The following SAMD4A variants were observed in gnomAD, a reference collection of about 807,000 sequenced individuals.
The protein encoded by SAMD4A is sterile alpha motif domain containing 4A.
SAMD4A carries 33 observed loss-of-function variants against 81.3 expected under a neutral mutation model. The ratio of observed to expected loss-of-function variants is 0.41; its 90% CI spans 0.31 to 0.54. The LOEUF is 0.54. Ranked by LOEUF, SAMD4A falls within the 20% of genes least tolerant of loss-of-function variation. The probability of loss-of-function intolerance (pLI) is 0.37; values close to 1 mark genes in which losing one functional copy is unlikely to be tolerated. For missense variants in SAMD4A, 854 were observed against 951.1 expected (o/e 0.90, Z 1.34); for synonymous variants, 389 against 382.1 (o/e 1.02, Z -0.21).
In SAMD4A at chr14:54,687,724, C is replaced by T. The variant is rs185116805; in HGVS notation, c.197-14338C>T. 5.3e-5 allele frequency among the ~76,000 whole-genome samples: 8 copies of T among 152,294 alleles called. No individual in the cohort carries two copies. In the East Asian group the frequency reaches 1.5e-3, roughly 29 times the overall value. On this transcript the variant is annotated intron_variant, in intron 2 of 12. Transcript: ENST00000554335. ...ACTGCATGATTTGGGGCAAGTGTCT[C>T]TGCGCCTTGGTGTCCCCTAAGTGCC...
chr14:54,713,582 T>A (rs2037045506), intron 3 of SAMD4A, among the ~76,000 whole-genome samples: 1 of 152,174 alleles, frequency 6.6e-6, no homozygotes, highest in East Asian at 1.9e-4. Context: ...TGGCTAGAGC[T>A]AGACAGTGAA....
intron 8 of SAMD4A, among the ~76,000 whole-genome samples, chr14:54,767,302 G>A (rs191224424): frequency 4.1e-4 from 62 of 152,264 alleles, no homozygotes; most frequent in Admixed American, 3.7e-3. Flanking sequence ...GCCCGGACAC[G>A]CTGTTCCTTA....
chr14:54,632,030 C>G (rs2034915936), intron 2 of SAMD4A, among the ~76,000 whole-genome samples: 1 of 152,178 alleles, frequency 6.6e-6, no homozygotes, highest in Non-Finnish European at 1.5e-5. Context: ...CACACAGAGT[C>G]CCTGCCCTCC....
At chr14:54,727,371 G>GT (rs1014450622) in intron 3 of SAMD4A, among the ~76,000 whole-genome samples, 1 of 151,396 alleles carries the variant, frequency 6.6e-6, no homozygotes, top group African/African-American at 2.4e-5. Flanking sequence ...TGTATTTTTA[G>GT]TAGAGACAGG....
chr14:54,698,502 A>G (rs2036629952), intron 2 of SAMD4A, among the ~76,000 whole-genome samples: 1 of 152,228 alleles, frequency 6.6e-6, no homozygotes, highest in Non-Finnish European at 1.5e-5. Context: ...TCTGTAAAAG[A>G]AGGCTAGTAA....
intron 2 of SAMD4A, among the ~76,000 whole-genome samples, chr14:54,587,541 A>C (rs887327237): frequency 6.6e-6 from 1 of 152,160 alleles, no homozygotes; most frequent in Non-Finnish European, 1.5e-5. Flanking sequence ...TTCTCCATTC[A>C]GTATAATGTT....
At chr14:54,774,520 A>G (rs768254397) in intron 9 of SAMD4A, among the ~76,000 whole-genome samples, 1 of 152,116 alleles carries the variant, frequency 6.6e-6, no homozygotes, top group Non-Finnish European at 1.5e-5. Context: ...CCTGGGCAAC[A>G]TGGTAGACCC....
At chr14:54,594,431 A>AT (rs397797421) in intron 2 of SAMD4A, among the ~76,000 whole-genome samples, 1 of 151,750 alleles carries the variant, frequency 6.6e-6, no homozygotes, top group Non-Finnish European at 1.5e-5. Flanking sequence ...AAAAAAAAAA[A>AT]GCTACTTTTA....
rs76661249 is a variant in SAMD4A, at chr14:54,776,497, C to T, written c.2001C>T (p.Pro667=). ...CAGTCCAGAGGACCCGCTCGCTGCC[C>T]GTGCACACTTCCCCACAGAACATGC... ...HSSVQRTRSL[P]VHTSPQNMLM... Residue 667 remains proline (P), a synonymous_variant, in exon 11 of 13, where the codon CCC becomes CCT. Coordinates refer to ENST00000554335, the MANE Select transcript of SAMD4A (RefSeq NM_015589.6). 1,321 of 1,594,740 alleles carry T rather than the reference C, an allele frequency of 8.3e-4. 14 individuals carry two copies. The East Asian group carries it at 0.026, about 31-fold the overall frequency.
rs141189678 is a variant in SAMD4A at position 54,733,911 on chromosome 14, G to A, written c.716-3113G>A. 7.8e-3 allele frequency among the ~76,000 whole-genome samples: 1,192 copies of A among 151,934 alleles called. 16 individuals carry two copies. Among genetic ancestry groups the A allele is most frequent in the African/African-American group, 0.028 (1,141 of 41,456 alleles). On this transcript the variant is annotated intron_variant, in intron 3 of 12. Coordinates refer to ENST00000554335, the MANE Select transcript of SAMD4A (RefSeq NM_015589.6). ...AAATGAGATCTCTTAGTTTAAAAAG[G>A]GGAGGGGCTGGGGATGAAACAACCA...
chr14:54,792,535 AG>A lies in SAMD4A; in HGVS notation c.*3595del, dbSNP rs1446907491. Reference sequence around the variant, plus strand: ...AAAGCATGCAACCAGAAGGCGGGCAAGGGGAGGAAAAGCAGGCCTGGCCTCA... The same window carrying A: ...AAAGCATGCAACCAGAAGGCGGGCAAGGGAGGAAAAGCAGGCCTGGCCTCA... On this transcript the variant is annotated 3_prime_UTR_variant, in exon 13 of 13. Transcript: ENST00000554335. 1 of 152,224 alleles carries A rather than the reference AG, an allele frequency of 6.6e-6. No homozygotes were observed. The highest frequency in any genetic ancestry group is 1.5e-5 in the Non-Finnish European group (1 of 68,108). The allele number at this position is 152,224 out of a possible 1,614,324, so 9.4% of individuals were successfully genotyped here.
intron 2 of SAMD4A, among the ~76,000 whole-genome samples, chr14:54,576,399 A>G (rs901655486): frequency 2.0e-5 from 3 of 152,244 alleles, no homozygotes. Context: ...GAACCACTCC[A>G]TGTGCCTCAA....
intron 3 of SAMD4A, among the ~76,000 whole-genome samples, chr14:54,719,048 G>T (rs1253235298): frequency 1.3e-5 from 2 of 151,900 alleles, no homozygotes; most frequent in Non-Finnish European, 2.9e-5. Context: ...GGGAAAGAAG[G>T]GTTCAAAGGA....
At chr14:54,725,630 A>G (rs745739800) in intron 3 of SAMD4A, among the ~76,000 whole-genome samples, 30 of 152,228 alleles carry the variant, frequency 2.0e-4, no homozygotes, top group Non-Finnish European at 3.8e-4. Context: ...TTTTTCCATT[A>G]GCAGTGTTGG....
chr14:54,715,054 T>G (rs1488923350), intron 3 of SAMD4A, among the ~76,000 whole-genome samples: 1 of 152,130 alleles, frequency 6.6e-6, no homozygotes, highest in Non-Finnish European at 1.5e-5. Flanking sequence ...TTTTTTAAAT[T>G]AGTAATAATT....
chr14:54,702,026 T>C, intron 2 of SAMD4A, 36 bp from the exon 3 acceptor site: 1 of 1,601,594 alleles, frequency 6.2e-7, no homozygotes, highest in Non-Finnish European at 8.5e-7. Flanking sequence ...ACTGTGGGTG[T>C]ATTTGCTTAT....
intron 2 of SAMD4A, among the ~76,000 whole-genome samples, chr14:54,670,127 C>T (rs1240657845): frequency 6.6e-6 from 1 of 152,150 alleles, no homozygotes; most frequent in Non-Finnish European, 1.5e-5. Flanking sequence ...ATTTAGTTCT[C>T]GCTCTGCCTG....
intron 2 of SAMD4A, among the ~76,000 whole-genome samples, chr14:54,689,131 C>T (rs1233979240): frequency 5.3e-5 from 8 of 152,028 alleles, no homozygotes; most frequent in Admixed American, 5.2e-4. Flanking sequence ...AGGATTTCAC[C>T]ACGTTGGCCA....
chr14:54,755,663 T>C (rs1306231547), intron 6 of SAMD4A, among the ~76,000 whole-genome samples: 1 of 151,920 alleles, frequency 6.6e-6, no homozygotes, highest in Non-Finnish European at 1.5e-5. Flanking sequence ...TTTAGGGGAA[T>C]GGGAGGAAAC....
Sources: allele counts gnomAD v4.1 joint callset (sites outside exome capture counted in the v4.1 genomes callset), GRCh38; gene constraint gnomAD v4.1.1; transcripts MANE v1.5; gene names NCBI Gene and HGNC (gene_info 2026-07-23, HGNC 2026-07-21).